The following SORCS3 variants were observed in gnomAD, a reference collection of about 807,000 sequenced individuals.
SORCS3 encodes sortilin related VPS10 domain containing receptor 3, also known as VPS10 domain-containing receptor SorCS3.
Under a neutral mutation model 146.3 loss-of-function variants are expected in SORCS3, and 57 were observed. The ratio of observed to expected loss-of-function variants is 0.39; its 90% CI spans 0.31 to 0.49. SORCS3 has a LOEUF of 0.49. Among genes scored for constraint, SORCS3 ranks in the 20% least tolerant of loss-of-function variants. The pLI is 0.92. For synonymous variants in SORCS3, 653 were observed against 618.5 expected, an observed-to-expected ratio of 1.06 and a Z score of -0.83; for missense variants, 1,341 against 1,575.5, an observed-to-expected ratio of 0.85 and a Z score of 2.52.
At chr10:104,761,531 A>C (rs2017122633) in intron 1 of SORCS3, among the ~76,000 whole-genome samples, 1 of 152,072 alleles carries the variant, frequency 6.6e-6, no homozygotes, top group Non-Finnish European at 1.5e-5. Context: ...CCCCCACCCC[A>C]AACCTTAATT....
intron 1 of SORCS3, among the ~76,000 whole-genome samples, chr10:104,655,884 G>C (rs908332330): frequency 1.3e-5 from 2 of 152,260 alleles, no homozygotes; most frequent in African/African-American, 4.8e-5. Flanking sequence ...AAGCGAATGT[G>C]TTTCCTGTAC....
intron 4 of SORCS3, among the ~76,000 whole-genome samples, chr10:105,015,723 A>G (rs1354621731): frequency 6.6e-6 from 1 of 151,918 alleles, no homozygotes; most frequent in African/African-American, 2.4e-5. Flanking sequence ...GTAAGGTTCT[A>G]CTTCTTTTTT....
chr10:104,728,021 TTCTATCTATCTATCTATCTA>T (rs56299885), intron 1 of SORCS3, among the ~76,000 whole-genome samples: 2,115 of 146,704 alleles, frequency 0.014, 45 homozygotes, highest in African/African-American at 0.046. Flanking sequence ...TATATAACAG[TTCTATCTATCTATCTATCTA>T]TCTATCTATC....
At chr10:104,779,666 A>G (rs1465168914) in intron 1 of SORCS3, among the ~76,000 whole-genome samples, 1 of 152,048 alleles carries the variant, frequency 6.6e-6, no homozygotes, top group African/African-American at 2.4e-5. Flanking sequence ...GGCCCCTTAG[A>G]TGTTGATCCT....
chr10:104,667,536 T>G (rs921593495), intron 1 of SORCS3, among the ~76,000 whole-genome samples: 1 of 152,190 alleles, frequency 6.6e-6, no homozygotes, highest in Non-Finnish European at 1.5e-5. Context: ...GCTACAGAAA[T>G]AAATGAGCAA....
intron 12 of SORCS3, 87 bp from the exon 13 acceptor site, chr10:105,167,171 C>A: frequency 1.9e-6 from 2 of 1,050,720 alleles, no homozygotes; most frequent in Non-Finnish European, 2.8e-6. Context: ...CTAGATGAAA[C>A]AATATATGTG....
intron 4 of SORCS3, among the ~76,000 whole-genome samples, chr10:105,000,307 C>G (rs1343536254): frequency 6.6e-6 from 1 of 151,178 alleles, no homozygotes; most frequent in Non-Finnish European, 1.5e-5. Context: ...CCTCATGGTA[C>G]TTATTTTTGT....
At chr10:104,673,983 TTAGC>T (rs1292391589) in intron 1 of SORCS3, among the ~76,000 whole-genome samples, 2 of 152,222 alleles carry the variant, frequency 1.3e-5, no homozygotes, top group African/African-American at 2.4e-5. Flanking sequence ...TTGAAATACA[TTAGC>T]TAGCTAGCAT....
chr10:105,148,193 T>C (rs2056145346), intron 9 of SORCS3, among the ~76,000 whole-genome samples: 1 of 152,032 alleles, frequency 6.6e-6, no homozygotes. Flanking sequence ...GTGCCTTAAA[T>C]TATTTGGAAA....
intron 1 of SORCS3, among the ~76,000 whole-genome samples, chr10:104,764,747 C>T (rs1179837108): frequency 1.3e-5 from 2 of 152,248 alleles, no homozygotes; most frequent in East Asian, 3.9e-4. Flanking sequence ...ACCCAGCAGG[C>T]TCTAGGAATA....
intron 4 of SORCS3, among the ~76,000 whole-genome samples, chr10:105,008,886 A>G (rs985396373): frequency 2.6e-5 from 4 of 152,206 alleles, no homozygotes; most frequent in African/African-American, 4.8e-5. Flanking sequence ...AGCTCAAGCC[A>G]TCTGCCTGCC....
intron 1 of SORCS3, among the ~76,000 whole-genome samples, chr10:104,714,117 A>G (rs1268244519): frequency 6.6e-6 from 1 of 152,060 alleles, no homozygotes; most frequent in Non-Finnish European, 1.5e-5. Context: ...TATTTCTGAT[A>G]TTGGTAATTT....
chr10:105,260,049 A>T (rs1203500992), intron 25 of SORCS3, among the ~76,000 whole-genome samples: 1 of 152,214 alleles, frequency 6.6e-6, no homozygotes, highest in Non-Finnish European at 1.5e-5. Flanking sequence ...CAAATTTTTA[A>T]AATTATGCAA....
chr10:105,149,803 T>C (rs990953529), intron 9 of SORCS3, among the ~76,000 whole-genome samples: 4 of 152,142 alleles, frequency 2.6e-5, no homozygotes, highest in African/African-American at 9.7e-5. Flanking sequence ...CTGAAACTCC[T>C]TGGTCATTTA....
At chr10:105,249,072 G>C (rs564167864) in intron 22 of SORCS3, among the ~76,000 whole-genome samples, 1 of 152,094 alleles carries the variant, frequency 6.6e-6, no homozygotes, top group Non-Finnish European at 1.5e-5. Context: ...AGAGGCAAAG[G>C]CTACTTAAAA....
At chr10:105,253,041 C>T in intron 23 of SORCS3, 135 bp downstream of exon 23, 1 of 978,150 alleles carries the variant, frequency 1.0e-6, no homozygotes, top group Middle Eastern at 3.3e-4. Context: ...AGAGCAATCA[C>T]CCTTACCCAG....
intron 5 of SORCS3, among the ~76,000 whole-genome samples, chr10:105,088,384 G>A (rs1407521013): frequency 6.6e-6 from 1 of 152,184 alleles, no homozygotes; most frequent in Non-Finnish European, 1.5e-5. Flanking sequence ...CATTTATTCA[G>A]CCTCTTTGGG....
intron 16 of SORCS3, among the ~76,000 whole-genome samples, chr10:105,202,264 T>C (rs1390686271): frequency 1.3e-5 from 2 of 152,192 alleles, no homozygotes; most frequent in Non-Finnish European, 2.9e-5. Context: ...GTTTCCTCCA[T>C]TGTAGGTGAT....
rs575658934 is a variant in SORCS3, at chr10:104,902,411, A to T, written c.696-13422A>T. Among the ~76,000 whole-genome samples the T allele has an allele frequency of 2.6e-5, 4 of 152,260 alleles. No homozygotes were observed. The East Asian group carries it at 7.8e-4, about 30-fold the overall frequency. ...ACTTGAGGAATGTTTGTGTATGTTG[A>T]GGGGAGTGGGCTGTGAGGGACAGGG... On this transcript the variant is annotated intron_variant, in intron 2 of 26. Transcript: ENST00000369701.
Sources: gnomAD v4.1 joint callset for allele counts (sites outside exome capture counted in the v4.1 genomes callset) on GRCh38, gnomAD v4.1.1 for gene constraint, MANE v1.5 for transcripts, NCBI Gene and HGNC (gene_info 2026-07-23, HGNC 2026-07-21) for gene names.